NEK4: variants seen among roughly 807,000 people sequenced by gnomAD.
NEK4 encodes NIMA related kinase 4, also known as serine/threonine-protein kinase Nek4.
NEK4 carries 86 observed loss-of-function variants against 98.4 expected under a neutral mutation model. The ratio of observed to expected loss-of-function variants is 0.87; its 90% confidence interval spans 0.73 to 1.05. The LOEUF (loss-of-function observed/expected upper bound fraction) is 1.05. Among genes scored for constraint, NEK4 ranks in the 50% least tolerant of loss-of-function variants. The probability of loss-of-function intolerance (pLI) is 0.00; values close to 1 mark genes in which losing one functional copy is unlikely to be tolerated. For missense variants in NEK4, 898 were observed against 950.3 expected, an observed-to-expected ratio of 0.94 and a Z score of 0.72; for synonymous variants, 328 against 342.2, an observed-to-expected ratio of 0.96 and a Z score of 0.46.
At chr3:52,739,919 G>A (rs2154103678) in intron 13 of NEK4, among the ~76,000 whole-genome samples, 1 of 152,266 alleles carries the variant, frequency 6.6e-6, no homozygotes, top group South Asian at 2.1e-4. Context: ...CAAAGTACAA[G>A]AGAACTCACA....
chr3:52,740,271 G>A (rs190728832), intron 13 of NEK4, among the ~76,000 whole-genome samples: 3 of 152,050 alleles, frequency 2.0e-5, no homozygotes, highest in South Asian at 2.1e-4. Flanking sequence ...AATAAATGAG[G>A]ACATTAAAAT....
At chr3:52,764,373 T>C (rs1210014042) in intron 4 of NEK4, among the ~76,000 whole-genome samples, 1 of 151,756 alleles carries the variant, frequency 6.6e-6, no homozygotes, top group African/African-American at 2.4e-5. Context: ...GGCTCACACC[T>C]GTAATCTCAG....
At chr3:52,749,093 AGAGGG>A (rs1297943837) in intron 8 of NEK4, among the ~76,000 whole-genome samples, 1 of 151,332 alleles carries the variant, frequency 6.6e-6, no homozygotes, top group Non-Finnish European at 1.5e-5. Flanking sequence ...CAGAAGGGGA[AGAGGG>A]GAGGGGAGGG....
intron 1 of NEK4, among the ~76,000 whole-genome samples, chr3:52,769,355 T>C (rs1273050657): frequency 1.3e-5 from 2 of 152,248 alleles, no homozygotes; most frequent in African/African-American, 2.4e-5. Context: ...AAGGGATCCA[T>C]GGCCCCATAA....
chr3:52,760,854 T>C lies in NEK4; in HGVS notation c.904A>G (p.Asn302Asp). Residue 302 changes from asparagine (N) to aspartate (D), a missense_variant, in exon 6 of 16, where the codon AAT becomes GAT. Physicochemically the swap from Asn to Asp is conservative, Grantham distance 23 (BLOSUM62 1). Transcript: ENST00000233027. ...ATVVSGEAES[N>D]HEVIHPQPLS... ...GGTTGGGGGTGGATTACTTCATGAT[T>C]TGATTCTGCCTCTCCAGAAACCACT... 1 of 1,609,596 alleles carries C rather than the reference T, an allele frequency of 6.2e-7. No homozygotes were observed. Among genetic ancestry groups the C allele is most frequent in the Non-Finnish European group, 8.5e-7 (1 of 1,176,172 alleles).
chr3:52,732,664 G>T (rs1408974900), intron 15 of NEK4: 5 of 323,160 alleles, frequency 1.5e-5, no homozygotes, highest in Non-Finnish European at 2.5e-5. Flanking sequence ...TGCACAGAGG[G>T]CTTTATACAG....
chr3:52,733,500 G>A (rs532604898), intron 15 of NEK4: 1 of 450,280 alleles, frequency 2.2e-6, no homozygotes. Flanking sequence ...TCACTCAACA[G>A]AGAAGTCATA....
chr3:52,741,504 T>G lies in NEK4; in HGVS notation c.2005-5A>C. ...ACAATGAATCTGTTTCCTTTCCTAT[T>G]AAATGTTTGGAAGAATTAAAATTCT... is the stretch of plus-strand genomic sequence containing the variant. On this transcript the variant is annotated splice_region_variant and splice_polypyrimidine_tract_variant and intron_variant, in intron 12 of 15. Coordinates refer to ENST00000233027, the MANE Select transcript of NEK4 (RefSeq NM_003157.6). The G allele has an allele frequency of 3.2e-6, 5 of 1,578,116 alleles. No individual in the cohort carries two copies. Among genetic ancestry groups the G allele is most frequent in the Non-Finnish European group, 4.4e-6 (5 of 1,147,724 alleles).
intron 2 of NEK4, among the ~76,000 whole-genome samples, chr3:52,767,984 T>TA (rs1301641435): frequency 6.6e-6 from 1 of 152,220 alleles, no homozygotes; most frequent in Non-Finnish European, 1.5e-5. Flanking sequence ...TCACTGGGCA[T>TA]ATCAATTAGC....
chr3:52,713,068 C>G (rs144057758), intron 15 of NEK4, among the ~76,000 whole-genome samples: 18 of 152,298 alleles, frequency 1.2e-4, no homozygotes, highest in Non-Finnish European at 2.2e-4. Context: ...CCAGTACTTC[C>G]CTGTCCCCCT....
chr3:52,739,897 C>T (rs376479601), intron 13 of NEK4, among the ~76,000 whole-genome samples: 3 of 152,214 alleles, frequency 2.0e-5, no homozygotes, highest in African/African-American at 7.2e-5. Flanking sequence ...TAAGAGCAGG[C>T]CATAGGCAGA....
intron 8 of NEK4, among the ~76,000 whole-genome samples, chr3:52,748,161 G>A (rs1014319057): frequency 5.3e-5 from 8 of 150,566 alleles, no homozygotes; most frequent in South Asian, 2.1e-4. Context: ...TAGAGACGGC[G>A]TTTCACTGTG....
chr3:52,747,784 T>TAA (rs71087012), intron 8 of NEK4, among the ~76,000 whole-genome samples: 6 of 137,936 alleles, frequency 4.3e-5, no homozygotes, highest in African/African-American at 1.3e-4. Context: ...CATCTCCATT[T>TAA]AAAAAAAAAA....
At chr3:52,722,826 G>A (rs1008966783) in intron 15 of NEK4, among the ~76,000 whole-genome samples, 2 of 152,136 alleles carry the variant, frequency 1.3e-5, no homozygotes, top group Admixed American at 6.5e-5. Context: ...GATGACCTGA[G>A]CCCAGGCTGC....
chr3:52,731,991 A>T (rs2097370231), intron 15 of NEK4, among the ~76,000 whole-genome samples: 1 of 152,236 alleles, frequency 6.6e-6, no homozygotes, highest in Non-Finnish European at 1.5e-5. Context: ...GCCTGCTGCC[A>T]CGTAAGACGT....
chr3:52,736,162 T>G (rs1383588172), intron 15 of NEK4, among the ~76,000 whole-genome samples: 1 of 152,240 alleles, frequency 6.6e-6, no homozygotes, highest in Non-Finnish European at 1.5e-5. Context: ...TCCTGTTTTT[T>G]CCCAGGTACT....
chr3:52,746,658 TGGCAA>T, intron 9 of NEK4, 71 bp downstream of exon 9: 1 of 1,312,302 alleles, frequency 7.6e-7, no homozygotes, highest in South Asian at 1.4e-5. Flanking sequence ...CATGCCTTTT[TGGCAA>T]TTGTTAATTG....
chr3:52,758,861 G>A (rs968326861), intron 6 of NEK4, among the ~76,000 whole-genome samples: 1 of 152,006 alleles, frequency 6.6e-6, no homozygotes, highest in African/African-American at 2.4e-5. Flanking sequence ...CAGCACTTTG[G>A]GAGGAAAACG....
chr3:52,755,105 ACTT>A (rs2097412730), intron 6 of NEK4, among the ~76,000 whole-genome samples: 1 of 150,690 alleles, frequency 6.6e-6, no homozygotes, highest in African/African-American at 2.4e-5. Flanking sequence ...GAAAAACAAA[ACTT>A]CTTAACAATG....
Sources: gnomAD v4.1 joint callset for allele counts (sites outside exome capture counted in the v4.1 genomes callset) on GRCh38, gnomAD v4.1.1 for gene constraint, MANE v1.5 for transcripts, NCBI Gene and HGNC (gene_info 2026-07-23, HGNC 2026-07-21) for gene names.